ZC3H12D: variants seen among roughly 807,000 people sequenced by gnomAD.
The protein encoded by ZC3H12D is probable ribonuclease ZC3H12D.
In ZC3H12D, 11 loss-of-function variants were observed where a neutral mutation model predicts 24.2. The observed-to-expected ratio is 0.46, with a 90% confidence interval of 0.29 to 0.75. The LOEUF is 0.75. ZC3H12D is among the 30% of genes least tolerant of loss of function. ZC3H12D has a pLI of 0.11. For synonymous variants in ZC3H12D, 333 were observed against 341.8 expected, an observed-to-expected ratio of 0.97 and a Z score of 0.28; for missense variants, 740 against 767.7, an observed-to-expected ratio of 0.96 and a Z score of 0.43.
chr6:149,457,706 C>G (rs1776006242), intron 3 of ZC3H12D, among the ~76,000 whole-genome samples: 1 of 152,058 alleles, frequency 6.6e-6, no homozygotes, highest in Non-Finnish European at 1.5e-5. Context: ...CAAGGCCTTT[C>G]TTATCAGAGG....
At chr6:149,454,163 C>G (rs1305509286) in intron 4 of ZC3H12D, among the ~76,000 whole-genome samples, 1 of 152,234 alleles carries the variant, frequency 6.6e-6, no homozygotes, top group Non-Finnish European at 1.5e-5. Flanking sequence ...CCTGATCTGC[C>G]CTTCTCTCCT....
At chr6:149,466,353 A>G (rs1330616809) in intron 2 of ZC3H12D, among the ~76,000 whole-genome samples, 1 of 151,710 alleles carries the variant, frequency 6.6e-6, no homozygotes, top group African/African-American at 2.4e-5. Flanking sequence ...GCCCCACCTG[A>G]TGTACACTGG....
At chr6:149,476,911 C>T (rs1041205668) in intron 1 of ZC3H12D, among the ~76,000 whole-genome samples, 2 of 152,214 alleles carry the variant, frequency 1.3e-5, no homozygotes, top group African/African-American at 2.4e-5. Context: ...GACAGTGACT[C>T]ACACAGCTGA....
At chr6:149,472,489 G>A (rs1217474282) in intron 2 of ZC3H12D, among the ~76,000 whole-genome samples, 2 of 150,114 alleles carry the variant, frequency 1.3e-5, no homozygotes, top group Admixed American at 1.3e-4. Flanking sequence ...GGGTTTCGAT[G>A]TATAACCCGC....
intron 2 of ZC3H12D, among the ~76,000 whole-genome samples, chr6:149,467,191 A>T (rs1204678171): frequency 6.6e-6 from 1 of 152,192 alleles, no homozygotes; most frequent in Non-Finnish European, 1.5e-5. Context: ...CAATTCCTGA[A>T]TATCTACTAC....
chr6:149,463,021 T>C (rs1776099876), intron 2 of ZC3H12D, among the ~76,000 whole-genome samples: 3 of 152,186 alleles, frequency 2.0e-5, no homozygotes, highest in Non-Finnish European at 4.4e-5. Context: ...CCTTCATATA[T>C]ACATGTAGCC....
At chr6:149,458,128 C>CGATTT (rs1776015839) in intron 3 of ZC3H12D, among the ~76,000 whole-genome samples, 4 of 39,754 alleles carry the variant, frequency 1.0e-4, no homozygotes, top group Non-Finnish European at 1.3e-4. Flanking sequence ...TTTTTCGTTT[C>CGATTT]TTTTTTTTTT....
intron 4 of ZC3H12D, among the ~76,000 whole-genome samples, chr6:149,455,608 T>C (rs1583184454): frequency 6.6e-6 from 1 of 152,054 alleles, no homozygotes; most frequent in South Asian, 2.1e-4. Flanking sequence ...CCTCTCTGCC[T>C]CCAGCCATAG....
chr6:149,459,191 C>T (rs1028302065), intron 3 of ZC3H12D, among the ~76,000 whole-genome samples: 5 of 152,096 alleles, frequency 3.3e-5, no homozygotes, highest in African/African-American at 2.4e-5. Context: ...CTTCCCTATC[C>T]CAAAGTAATT....
chr6:149,476,946 G>GTGAA lies in ZC3H12D; in HGVS notation c.-70-2337_-70-2334dup, dbSNP rs544055324. Among the ~76,000 whole-genome samples the GTGAA allele has an allele frequency of 5.3e-3, 808 of 152,256 alleles. 8 individuals carry two copies. The highest frequency in any genetic ancestry group is 0.017 in the African/African-American group (708 of 41,534). ...AATCTCAACGTACATGTGTTGATTG[G>GTGAA]TGAATGAATGAATGAATGAATGAAT... On this transcript the variant is annotated intron_variant, in intron 1 of 5. Coordinates refer to ENST00000409806, the MANE Select transcript of ZC3H12D (RefSeq NM_207360.3).
At chr6:149,476,335 T>C (rs1776340083) in intron 1 of ZC3H12D, among the ~76,000 whole-genome samples, 1 of 152,074 alleles carries the variant, frequency 6.6e-6, no homozygotes, top group East Asian at 1.9e-4. Context: ...CGAAATCCTG[T>C]CTCTACTAAA....
At chr6:149,460,826 A>G (rs11155657) in intron 3 of ZC3H12D, among the ~76,000 whole-genome samples, 53,930 of 149,508 alleles carry the variant, frequency 0.36, 10,306 homozygotes, top group African/African-American at 0.46. Context: ...GTGAAACTCC[A>G]TGTCAAAAAA....
At chr6:149,479,801 T>C (rs903409070) in intron 1 of ZC3H12D, among the ~76,000 whole-genome samples, 1 of 152,166 alleles carries the variant, frequency 6.6e-6, no homozygotes, top group African/African-American at 2.4e-5. Flanking sequence ...GCCTACTAAG[T>C]AGCCAGGACC....
At chr6:149,464,353 T>C (rs1267275297) in intron 2 of ZC3H12D, among the ~76,000 whole-genome samples, 1 of 152,106 alleles carries the variant, frequency 6.6e-6, no homozygotes, top group African/African-American at 2.4e-5. Context: ...GGGAGACAAG[T>C]GGATAGATTT....
rs999533694 is a variant in ZC3H12D, at chr6:149,451,138, C to A, written c.1129G>T (p.Asp377Tyr). ...ACCCGGCCGCCCGCGGACACCCAGT[C>A]GGGCCCGCCCAGTCGGGGCGTGAGG... ...CSLTPRLGGP[D>Y]WVSAGGRVPG... Residue 377 changes from aspartate (D) to tyrosine (Y), a missense_variant, in exon 6 of 6, where the codon GAC (aspartate) becomes TAC (tyrosine). Asp to Tyr is a radical substitution (Grantham distance 160, BLOSUM62 -3). Transcript: ENST00000409806. 90 of 1,339,510 alleles carry A rather than the reference C, an allele frequency of 6.7e-5. 3 individuals are homozygous for A. The highest frequency in any genetic ancestry group is 5.7e-6 in the Non-Finnish European group (6 of 1,051,090). 83.0% of individuals were successfully genotyped at this position (1,339,510 alleles called of 1,614,324 possible).
intron 5 of ZC3H12D, 107 bp from the exon 6 acceptor site, chr6:149,451,586 G>A: frequency 9.7e-7 from 1 of 1,028,258 alleles, no homozygotes; most frequent in Non-Finnish European, 1.3e-6. Context: ...TCTCCGTGGA[G>A]ATTCCTCCAA....
At position 149,456,610 on chromosome 6, in the gene ZC3H12D, A is replaced by C; in HGVS notation, c.680+56T>G. ...GGTAGCAGGCGTGGCCACTGCCTCG[A>C]CCCCGGCCCCCCGCCCCGCCGCCCC... On this transcript the variant is annotated intron_variant, in intron 4 of 5. Coordinates refer to ENST00000409806, the MANE Select transcript of ZC3H12D (RefSeq NM_207360.3). This position sits in a 1 kb window ranked among gnomAD's most constrained non-coding sequence, Gnocchi z 4.3. 173 of 1,048,818 alleles carry C rather than the reference A, an allele frequency of 1.6e-4. No individual in the cohort carries two copies. Among genetic ancestry groups the C allele is most frequent in the Non-Finnish European group, 2.2e-4 (152 of 700,210 alleles). The allele number at this position is 1,048,818 out of a possible 1,614,324, so 65.0% of individuals were successfully genotyped here. A position where few individuals can be genotyped will look rare whatever the true frequency, so the allele number is the denominator to read the frequency against.
chr6:149,481,051 G>A (rs1019810215), intron 1 of ZC3H12D, among the ~76,000 whole-genome samples: 1 of 150,226 alleles, frequency 6.7e-6, no homozygotes, highest in African/African-American at 2.5e-5. Flanking sequence ...ATAAAGGAAG[G>A]GGACACTCAC....
intron 2 of ZC3H12D, among the ~76,000 whole-genome samples, chr6:149,467,100 G>A (rs1776175794): frequency 6.6e-6 from 1 of 152,014 alleles, no homozygotes; most frequent in Non-Finnish European, 1.5e-5. Context: ...GTCGCCCTGG[G>A]AGCCCACTCC....
Sources: allele counts gnomAD v4.1 joint callset (sites outside exome capture counted in the v4.1 genomes callset), GRCh38; gene constraint gnomAD v4.1.1; non-coding constraint Gnocchi (gnomAD v3.1); transcripts MANE v1.5; gene names NCBI Gene and HGNC (gene_info 2026-07-23, HGNC 2026-07-21).